The following WDR7 variants were observed in gnomAD, a reference collection of about 807,000 sequenced individuals.
The protein encoded by WDR7 is WD repeat domain 7, also known as WD repeat-containing protein 7.
In WDR7, 46 loss-of-function variants were observed where a neutral mutation model predicts 169.4. The ratio of observed to expected loss-of-function variants is 0.27; its 90% confidence interval spans 0.21 to 0.35. WDR7 has a LOEUF of 0.35. Among genes scored for constraint, WDR7 ranks in the 10% least tolerant of loss-of-function variants. The pLI, the probability that WDR7 is intolerant of heterozygous loss-of-function variation, is 1.00. For synonymous variants in WDR7, 612 were observed against 666.8 expected (o/e 0.92, Z 1.27); for missense variants, 1,534 against 1,859.3 (o/e 0.83, Z 3.22).
intron 22 of WDR7, among the ~76,000 whole-genome samples, chr18:56,931,405 C>G (rs190517634): frequency 1.3e-5 from 2 of 152,332 alleles, no homozygotes; most frequent in Non-Finnish European, 2.9e-5. Flanking sequence ...TCTGTTGGGA[C>G]TACCAGATCA....
intron 16 of WDR7, 45 bp downstream of exon 16, chr18:56,758,998 T>G: frequency 1.1e-5 from 17 of 1,510,378 alleles, no homozygotes; most frequent in Non-Finnish European, 1.5e-5. Context: ...ATTTCAGCTC[T>G]AGAAACTGAG....
chr18:56,874,382 G>A (rs17090400), intron 20 of WDR7, among the ~76,000 whole-genome samples: 1 of 151,734 alleles, frequency 6.6e-6, no homozygotes, highest in East Asian at 1.9e-4. Flanking sequence ...GCATATACCT[G>A]CTAATACTTT....
intron 26 of WDR7, among the ~76,000 whole-genome samples, chr18:57,004,432 A>G (rs1387711438): frequency 6.6e-6 from 1 of 152,132 alleles, no homozygotes; most frequent in African/African-American, 2.4e-5. Context: ...TTGAACTGGC[A>G]CTATAAATTC....
chr18:56,829,203 C>T (rs962244840), intron 20 of WDR7, among the ~76,000 whole-genome samples: 32 of 151,136 alleles, frequency 2.1e-4, no homozygotes, highest in African/African-American at 7.3e-4. Flanking sequence ...ACAAAATGAT[C>T]ACTATGATTG....
At chr18:57,011,641 C>T (rs556006945) in intron 26 of WDR7, among the ~76,000 whole-genome samples, 2 of 152,254 alleles carry the variant, frequency 1.3e-5, no homozygotes, top group South Asian at 4.2e-4. Flanking sequence ...AAAGCATTGC[C>T]TCAGCCCTCC....
In WDR7 at chr18:56,718,029, A is replaced by G; in HGVS notation, c.1644A>G (p.Arg548=). ...ACTCAGTAGGACTTCTAAGTTTGCG[A>G]GAGAAAAAATGCATAATGTTGGCAT... ...SDHSVGLLSL[R]EKKCIMLASR... The change falls in exon 13 of 28, where the codon CGA becomes CGG. Residue 548 remains arginine, a synonymous_variant. Coordinates refer to ENST00000254442, the MANE Select transcript of WDR7 (RefSeq NM_015285.3). 1.2e-6 allele frequency: 2 copies of G among 1,614,148 alleles called. No individual in the cohort carries two copies. Among genetic ancestry groups the G allele is most frequent in the Admixed American group, 1.7e-5 (1 of 60,024 alleles).
Position 56,756,651 on chromosome 18 carries a change from G to A in WDR7, c.2058G>A (p.Pro686=), listed in dbSNP as rs143094738. The stretch of plus-strand genomic sequence containing the variant: ...CAATAAAGACAAACCTAACAGACCC[G>A]GACATACATGTGCTATTCTTTGATG... ...VQAIKTNLTD[P]DIHVLFFDVE... Residue 686 remains proline, a synonymous_variant, in exon 15 of 28, where the codon CCG becomes CCA. Transcript: ENST00000254442. 74 of 1,613,828 alleles carry A rather than the reference G, an allele frequency of 4.6e-5. No individual in the cohort carries two copies. The highest frequency in any genetic ancestry group is 5.5e-5 in the Non-Finnish European group (65 of 1,179,992).
At chr18:57,034,994 C>T in the WDR7 span, 1 of 152,296 alleles carries the variant, frequency 6.6e-6, no homozygotes, top group South Asian at 2.1e-4. Context: ...GGTTGATGCA[C>T]TTGAACAATC....
In WDR7 at chr18:56,681,337, T is replaced by C; in HGVS notation, c.291T>C (p.Ser97=). The change falls in exon 4 of 28, where the codon AGT becomes AGC. Residue 97 remains serine, a synonymous_variant. Transcript: ENST00000254442. ...ESGEMCLWDV[S]DGRCIEFTKL... ...GAGAGATGTGCCTCTGGGATGTGAGTGATGGCAGATGTATTGAATTTACAA... is the reference window on the plus strand; with the variant it reads ...GAGAGATGTGCCTCTGGGATGTGAGCGATGGCAGATGTATTGAATTTACAA... 1 of 1,595,068 alleles carries C rather than the reference T, an allele frequency of 6.3e-7. No homozygotes were observed. Among genetic ancestry groups the C allele is most frequent in the Non-Finnish European group, 8.5e-7 (1 of 1,174,944 alleles).
chr18:56,729,284 A>G (rs919289383), intron 13 of WDR7, among the ~76,000 whole-genome samples: 2 of 152,194 alleles, frequency 1.3e-5, no homozygotes, highest in South Asian at 2.1e-4. Context: ...TTTACTTAAA[A>G]TAATCTTTTC....
At chr18:56,901,741 A>G (rs899933507) in intron 21 of WDR7, among the ~76,000 whole-genome samples, 3 of 152,286 alleles carry the variant, frequency 2.0e-5, no homozygotes, top group Middle Eastern at 3.4e-3. Flanking sequence ...AATGGTCCCT[A>G]TAATCTCTTA....
At chr18:56,942,042 A>C (rs2047041643) in intron 25 of WDR7, among the ~76,000 whole-genome samples, 1 of 152,242 alleles carries the variant, frequency 6.6e-6, no homozygotes. Flanking sequence ...CTGCTTTGTT[A>C]TCAGTCGCAA....
At chr18:56,822,963 TTC>T (rs1180894909) in intron 20 of WDR7, among the ~76,000 whole-genome samples, 1 of 152,198 alleles carries the variant, frequency 6.6e-6, no homozygotes, top group Non-Finnish European at 1.5e-5. Context: ...ATGAAAATAT[TTC>T]TTTCTTGTTT....
chr18:56,990,832 TTTG>T (rs2047802017), intron 26 of WDR7, among the ~76,000 whole-genome samples: 1 of 152,172 alleles, frequency 6.6e-6, no homozygotes, highest in Non-Finnish European at 1.5e-5. Flanking sequence ...CAGCTGACTT[TTTG>T]TTGTTGTTAT....
intron 20 of WDR7, among the ~76,000 whole-genome samples, chr18:56,860,244 A>G (rs17830024): frequency 0.062 from 9,429 of 152,174 alleles, 1,180 homozygotes; most frequent in East Asian, 0.54. Context: ...AAATTCTTAT[A>G]ACCATTAATA....
intron 21 of WDR7, among the ~76,000 whole-genome samples, chr18:56,896,093 T>C (rs1238036992): frequency 1.3e-5 from 2 of 151,714 alleles, no homozygotes; most frequent in Non-Finnish European, 3.0e-5. Context: ...CTAGACAATA[T>C]TATAAAATAT....
rs2025663973 is a variant in WDR7 at position 56,694,914 on chromosome 18, A to G, written c.1109-36A>G. ...TTTTAAATTTTTTTTAACATGCACAAATGTTTTTCTTTTATACAAAACCAA... is the reference window on the plus strand; with the variant it reads ...TTTTAAATTTTTTTTAACATGCACAGATGTTTTTCTTTTATACAAAACCAA... On this transcript the variant is annotated intron_variant, in intron 10 of 27. Transcript: ENST00000254442. The G allele has an allele frequency of 1.9e-6, 3 of 1,573,054 alleles. No individual in the cohort carries two copies. The Admixed American group carries it at 5.8e-5, about 30-fold the overall frequency.
chr18:56,965,486 A>G (rs2047396259), intron 26 of WDR7, among the ~76,000 whole-genome samples: 2 of 151,286 alleles, frequency 1.3e-5, no homozygotes, highest in South Asian at 4.2e-4. Flanking sequence ...ATTCCCAAAC[A>G]GATTATGCAA....
chr18:56,767,597 T>C (rs1444118456), intron 16 of WDR7, among the ~76,000 whole-genome samples: 1 of 152,232 alleles, frequency 6.6e-6, no homozygotes, highest in Non-Finnish European at 1.5e-5. Flanking sequence ...TTTTTGGTTG[T>C]TTTGGGCCTG....
Sources: gnomAD v4.1 joint callset for allele counts (sites outside exome capture counted in the v4.1 genomes callset) on GRCh38, gnomAD v4.1.1 for gene constraint, MANE v1.5 for transcripts, NCBI Gene and HGNC (gene_info 2026-07-23, HGNC 2026-07-21) for gene names.